Variants in GPM6A observed in about 807,000 individuals in gnomAD.
The protein encoded by GPM6A is glycoprotein M6A, also known as neuronal membrane glycoprotein M6-a.
GPM6A carries 7 observed loss-of-function variants against 32.1 expected under a neutral mutation model. That is an observed-to-expected ratio of 0.22 (90% CI 0.12 to 0.41). GPM6A has a LOEUF of 0.41. GPM6A is among the 10% of genes least tolerant of loss of function. GPM6A has a pLI of 1.00. For missense variants in GPM6A, 235 were observed against 347.2 expected (o/e 0.68, Z 2.57); for synonymous variants, 130 against 123.4 (o/e 1.05, Z -0.35).
Position 175,812,251 on chromosome 4 carries a change from T to C in GPM6A, c.-24A>G. On this transcript the variant is annotated 5_prime_UTR_variant, in exon 1 of 7. Coordinates refer to ENST00000393658, the MANE Select transcript of GPM6A (RefSeq NM_201591.3). Reference sequence around the variant, plus strand: ...ATGGCTACCTTTCTTCAGTAGAATCTGGTACACGGAATTAATCAAAAGCTC... The same window carrying C: ...ATGGCTACCTTTCTTCAGTAGAATCCGGTACACGGAATTAATCAAAAGCTC... 1 of 1,508,054 alleles carries C rather than the reference T, an allele frequency of 6.6e-7. No individual in the cohort carries two copies. Among genetic ancestry groups the C allele is most frequent in the Non-Finnish European group, 8.9e-7 (1 of 1,123,200 alleles). The allele number at this position is 1,508,054 out of a possible 1,614,324, so 93.4% of individuals were successfully genotyped here.
intron 1 of GPM6A, among the ~76,000 whole-genome samples, chr4:175,803,893 T>G (rs76997069): frequency 6.6e-6 from 1 of 152,186 alleles, no homozygotes; most frequent in Non-Finnish European, 1.5e-5. Flanking sequence ...CTGTGAAAGG[T>G]TGAGCAGAGA....
chr4:175,975,084 T>C (rs1267968153), intron 1 of GPM6A, among the ~76,000 whole-genome samples: 1 of 152,188 alleles, frequency 6.6e-6, no homozygotes, highest in African/African-American at 2.4e-5. Context: ...TACAACAAGC[T>C]AGTGCCTGCC....
chr4:175,937,958 C>T (rs1200504886), intron 1 of GPM6A, among the ~76,000 whole-genome samples: 1 of 151,990 alleles, frequency 6.6e-6, no homozygotes, highest in East Asian at 1.9e-4. Context: ...TTCTACCACC[C>T]TATTTAATTC....
intron 1 of GPM6A, among the ~76,000 whole-genome samples, chr4:175,764,322 C>T (rs1449973197): frequency 6.6e-6 from 1 of 152,154 alleles, no homozygotes; most frequent in Non-Finnish European, 1.5e-5. Context: ...CAAGATTTAT[C>T]CATGTTGTAG....
intron 1 of GPM6A, among the ~76,000 whole-genome samples, chr4:175,825,909 G>A (rs1029662655): frequency 6.6e-6 from 1 of 152,126 alleles, no homozygotes; most frequent in African/African-American, 2.4e-5. Context: ...GCTGGGTGCG[G>A]TGGCTCACAA....
chr4:175,976,738 C>T (rs1224527355), intron 1 of GPM6A, among the ~76,000 whole-genome samples: 2 of 152,076 alleles, frequency 1.3e-5, no homozygotes, highest in Non-Finnish European at 2.9e-5. Context: ...TAAGGCAGTC[C>T]CGTGGAGCTC....
chr4:175,855,342 T>C (rs1283302668), intron 1 of GPM6A, among the ~76,000 whole-genome samples: 2 of 152,204 alleles, frequency 1.3e-5, no homozygotes, highest in African/African-American at 4.8e-5. Context: ...GCAAAACTTA[T>C]AAAACTTTAT....
chr4:175,867,119 T>A (rs934158903), intron 1 of GPM6A, among the ~76,000 whole-genome samples: 19 of 152,340 alleles, frequency 1.2e-4, no homozygotes, highest in Non-Finnish European at 2.8e-4. Flanking sequence ...TTTCTTCCTG[T>A]CGAGTTTTAA....
intron 3 of GPM6A, among the ~76,000 whole-genome samples, chr4:175,670,567 T>G (rs917233463): frequency 6.6e-6 from 1 of 152,214 alleles, no homozygotes; most frequent in Non-Finnish European, 1.5e-5. Flanking sequence ...CCATTTAATA[T>G]TTAAGGTAAA....
At chr4:175,804,556 A>G (rs1734606194) in intron 1 of GPM6A, among the ~76,000 whole-genome samples, 1 of 152,236 alleles carries the variant, frequency 6.6e-6, no homozygotes, top group Non-Finnish European at 1.5e-5. Flanking sequence ...ATCAATATTT[A>G]TTAACTAGTG....
intron 1 of GPM6A, among the ~76,000 whole-genome samples, chr4:175,885,278 C>A (rs768692829): frequency 6.6e-6 from 1 of 152,070 alleles, no homozygotes; most frequent in African/African-American, 2.4e-5. Context: ...CCAGACACAG[C>A]GAGTACACAC....
intron 1 of GPM6A, among the ~76,000 whole-genome samples, chr4:175,932,231 G>A (rs1053803129): frequency 6.6e-6 from 1 of 152,130 alleles, no homozygotes; most frequent in African/African-American, 2.4e-5. Flanking sequence ...ATTAGGAGAC[G>A]GGGCCTTTAA....
At chr4:175,721,704 T>A (rs183217996) in intron 1 of GPM6A, among the ~76,000 whole-genome samples, 1 of 152,226 alleles carries the variant, frequency 6.6e-6, no homozygotes, top group Non-Finnish European at 1.5e-5. Context: ...GTATTCTCGA[T>A]GAAAAACTGT....
At chr4:175,937,342 T>C (rs1027800420) in intron 1 of GPM6A, among the ~76,000 whole-genome samples, 11 of 152,186 alleles carry the variant, frequency 7.2e-5, no homozygotes, top group Non-Finnish European at 1.2e-4. Flanking sequence ...TTATGTTGTC[T>C]ATGCAGTCTT....
intron 1 of GPM6A, among the ~76,000 whole-genome samples, chr4:175,945,184 A>T (rs1439519430): frequency 6.6e-6 from 1 of 152,222 alleles, no homozygotes; most frequent in East Asian, 1.9e-4. Flanking sequence ...ATGAAACAAT[A>T]TAAATTTCAG....
intron 1 of GPM6A, among the ~76,000 whole-genome samples, chr4:175,717,349 GA>G (rs2111106664): frequency 6.6e-6 from 1 of 152,244 alleles, no homozygotes; most frequent in East Asian, 1.9e-4. Context: ...AATGACTAGT[GA>G]AAATCTGGTA....
chr4:175,640,796 C>G lies in GPM6A; in HGVS notation c.575G>C (p.Cys192Ser). ...CCTCAAGAAATTCTCAGAGACAGTA[C>G]AAATTTTCTTTTCCTCTCCAATTGT... ...IVTIGEEKKI[C>S]TVSENFLRMC... The change falls in exon 5 of 7, where the codon TGT (cysteine) becomes TCT (serine). Residue 192 changes from cysteine (C) to serine (S), a missense_variant. This residue lies in a region of GPM6A where 107 missense variants were observed against 116.7 expected (regional missense o/e 0.92). Coordinates refer to ENST00000393658, the MANE Select transcript of GPM6A (RefSeq NM_201591.3). 1 of 1,610,110 alleles carries G rather than the reference C, an allele frequency of 6.2e-7. No individual in the cohort carries two copies. Among genetic ancestry groups the G allele is most frequent in the Non-Finnish European group, 8.5e-7 (1 of 1,176,860 alleles).
chr4:175,722,165 T>C (rs1255525711), intron 1 of GPM6A, among the ~76,000 whole-genome samples: 1 of 152,016 alleles, frequency 6.6e-6, no homozygotes, highest in Non-Finnish European at 1.5e-5. Flanking sequence ...TGTGCACTTG[T>C]AGTCCCAGCT....
chr4:175,689,856 G>C (rs1181562536), intron 2 of GPM6A, among the ~76,000 whole-genome samples: 1 of 152,192 alleles, frequency 6.6e-6, no homozygotes, highest in Non-Finnish European at 1.5e-5. Context: ...TCACTGCTTA[G>C]AATGAGGTGA....
Sources: gnomAD v4.1 joint callset for allele counts (sites outside exome capture counted in the v4.1 genomes callset) on GRCh38, gnomAD v4.1.1 for gene constraint, gnomAD v4.1.1 regional missense constraint, MANE v1.5 for transcripts, NCBI Gene and HGNC (gene_info 2026-07-23, HGNC 2026-07-21) for gene names.